The following AKIRIN2 variants were observed in gnomAD, a reference collection of about 807,000 sequenced individuals.
AKIRIN2 encodes akirin 2, also known as akirin-2.
A neutral mutation model predicts 29.3 loss-of-function variants in AKIRIN2; 6 were observed. That is an observed-to-expected ratio of 0.20 (90% confidence interval 0.11 to 0.40). The LOEUF (loss-of-function observed/expected upper bound fraction) is 0.40, where lower values mean the gene tolerates loss of function less well. AKIRIN2 is among the 10% of genes least tolerant of loss of function. The pLI, the probability that AKIRIN2 is intolerant of heterozygous loss-of-function variation, is 1.00. For missense variants in AKIRIN2, 210 were observed against 276.1 expected (o/e 0.76, Z 1.70); for synonymous variants, 128 against 117.5 (o/e 1.09, Z -0.58).
intron 2 of AKIRIN2, 137 bp from the exon 3 acceptor site, chr6:87,678,104 T>C: frequency 1.3e-6 from 1 of 775,830 alleles, no homozygotes; most frequent in South Asian, 3.2e-5. Flanking sequence ...AGCACAGCAT[T>C]TCACAAGTCT....
In AKIRIN2 at chr6:87,701,945, G is replaced by T. The variant is rs1381004419; in HGVS notation, c.-261C>A. On this transcript the variant is annotated 5_prime_UTR_variant, in exon 1 of 5. Coordinates refer to ENST00000257787, the MANE Select transcript of AKIRIN2 (RefSeq NM_018064.4). ...CAGAAGCACACGCCAGTCGCGTCAGGGGGGTTCTTCCGCCTCCTCAGGCGC... is the reference window on the plus strand; with the variant it reads ...CAGAAGCACACGCCAGTCGCGTCAGTGGGGTTCTTCCGCCTCCTCAGGCGC... The T allele has an allele frequency of 4.9e-6, 2 of 405,478 alleles. No homozygotes were observed. The highest frequency in any genetic ancestry group is 8.7e-6 in the Non-Finnish European group (2 of 229,738). 25.1% of individuals were successfully genotyped at this position (405,478 alleles called of 1,614,324 possible).
chr6:87,679,451 T>C (rs1008125081), intron 2 of AKIRIN2, among the ~76,000 whole-genome samples: 20 of 152,082 alleles, frequency 1.3e-4, no homozygotes, highest in African/African-American at 4.1e-4. Flanking sequence ...TGAGCCAAGA[T>C]CTCACCACTG....
chr6:87,702,090 T>G lies in AKIRIN2; in HGVS notation c.-406A>C, dbSNP rs561410611. ...AAGTCGAAAACAGCACCGTGGGGTG[T>G]GAGGCTGGAACGCGGCTCCTAATAC... On this transcript the variant is annotated 5_prime_UTR_variant, in exon 1 of 5. Coordinates refer to ENST00000257787, the MANE Select transcript of AKIRIN2 (RefSeq NM_018064.4). The G allele has an allele frequency of 1.0e-4, 40 of 399,172 alleles. No individual in the cohort carries two copies. Among genetic ancestry groups the G allele is most frequent in the African/African-American group, 7.4e-4 (36 of 48,752 alleles). 24.7% of individuals were successfully genotyped at this position (399,172 alleles called of 1,614,324 possible). A position where few individuals can be genotyped will look rare whatever the true frequency, so the allele number is the denominator to read the frequency against.
At chr6:87,698,818 G>A (rs1488024377) in intron 1 of AKIRIN2, among the ~76,000 whole-genome samples, 1 of 152,088 alleles carries the variant, frequency 6.6e-6, no homozygotes, top group Non-Finnish European at 1.5e-5. Context: ...AAACTTCCTG[G>A]GATGACTAAA....
chr6:87,701,794 G>A lies in AKIRIN2; in HGVS notation c.-110C>T, dbSNP rs1011597120. ...GGAACTCGAGGAGAGCCTACCCGACGGGCTCAGGAGCCAAGCGGGTCGCGG... is the reference window on the plus strand; with the variant it reads ...GGAACTCGAGGAGAGCCTACCCGACAGGCTCAGGAGCCAAGCGGGTCGCGG... On this transcript the variant is annotated 5_prime_UTR_variant, in exon 1 of 5. Coordinates refer to ENST00000257787, the MANE Select transcript of AKIRIN2 (RefSeq NM_018064.4). 1.3e-6 allele frequency: 1 copy of A among 767,416 alleles called. No individual in the cohort carries two copies. The highest frequency in any genetic ancestry group is 1.9e-6 in the Non-Finnish European group (1 of 535,676). The allele number at this position is 767,416 out of a possible 1,614,324, so 47.5% of individuals were successfully genotyped here. A position where few individuals can be genotyped will look rare whatever the true frequency, so the allele number is the denominator to read the frequency against.
chr6:87,689,109 A>G lies in AKIRIN2; in HGVS notation c.236-7346T>C, dbSNP rs146339738. ...GCAGAACCTAAGCCAGCTTGCAGAG[A>G]CTGAGAAGGCAGACTCTTTGAGGAC... On this transcript the variant is annotated intron_variant, in intron 1 of 4. Transcript: ENST00000257787. 2.3e-3 allele frequency among the ~76,000 whole-genome samples: 356 copies of G among 152,328 alleles called. 1 individual carries two copies. The highest frequency in any genetic ancestry group is 7.1e-3 in the African/African-American group (295 of 41,570).
intron 1 of AKIRIN2, among the ~76,000 whole-genome samples, chr6:87,692,453 T>C (rs1771291558): frequency 6.6e-6 from 1 of 152,240 alleles, no homozygotes; most frequent in Non-Finnish European, 1.5e-5. Flanking sequence ...TCTTAACATC[T>C]ACTACCCTCT....
intron 1 of AKIRIN2, among the ~76,000 whole-genome samples, chr6:87,699,354 T>G (rs1771421629): frequency 6.6e-6 from 1 of 152,224 alleles, no homozygotes. Context: ...AGAATGTCAT[T>G]CAAAACTACC....
Position 87,678,757 on chromosome 6 carries a change from T to C in AKIRIN2, c.380-790A>G, listed in dbSNP as rs150001551. Among the ~76,000 whole-genome samples the C allele has an allele frequency of 8.5e-5, 13 of 152,252 alleles. No homozygotes were observed. The East Asian group carries it at 1.7e-3, about 20-fold the overall frequency. On this transcript the variant is annotated intron_variant, in intron 2 of 4. Coordinates refer to ENST00000257787, the MANE Select transcript of AKIRIN2 (RefSeq NM_018064.4). Reference sequence around the variant, plus strand: ...ACACTTAGTCTTCAAAGCCATACCATTAATATCTTAAGAGCCTACACACAA... The same window carrying C: ...ACACTTAGTCTTCAAAGCCATACCACTAATATCTTAAGAGCCTACACACAA...
intron 1 of AKIRIN2, among the ~76,000 whole-genome samples, chr6:87,691,964 A>C (rs1239249313): frequency 1.3e-5 from 2 of 152,222 alleles, no homozygotes; most frequent in African/African-American, 4.8e-5. Flanking sequence ...TTCTCATGGA[A>C]GGCTTGTGAA....
intron 1 of AKIRIN2, among the ~76,000 whole-genome samples, chr6:87,684,464 G>A (rs560301708): frequency 2.0e-5 from 3 of 152,178 alleles, no homozygotes; most frequent in South Asian, 2.1e-4. Flanking sequence ...TGGAACTAAC[G>A]TAACTATGAT....
At chr6:87,685,071 C>G (rs1484899474) in intron 1 of AKIRIN2, among the ~76,000 whole-genome samples, 1 of 152,162 alleles carries the variant, frequency 6.6e-6, no homozygotes, top group Non-Finnish European at 1.5e-5. Flanking sequence ...ATTTTTAATA[C>G]TATTGCCTGC....
chr6:87,682,514 T>C (rs913971877), intron 1 of AKIRIN2, among the ~76,000 whole-genome samples: 5 of 152,168 alleles, frequency 3.3e-5, no homozygotes, highest in East Asian at 1.9e-4. Context: ...CTATGATTCA[T>C]TTCAGAAAGA....
chr6:87,695,940 G>C (rs888547390), intron 1 of AKIRIN2, among the ~76,000 whole-genome samples: 1 of 152,168 alleles, frequency 6.6e-6, no homozygotes, highest in East Asian at 1.9e-4. Context: ...CACTTTGGGA[G>C]GCTGAAGCGG....
At chr6:87,686,864 G>A (rs1031869023) in intron 1 of AKIRIN2, among the ~76,000 whole-genome samples, 3 of 151,668 alleles carry the variant, frequency 2.0e-5, no homozygotes, top group Admixed American at 1.3e-4. Context: ...TGGCCAACAT[G>A]ACGAAACCCT....
chr6:87,681,602 G>C lies in AKIRIN2; in HGVS notation c.379+18C>G, dbSNP rs754370623. On this transcript the variant is annotated intron_variant, in intron 2 of 4. Coordinates refer to ENST00000257787, the MANE Select transcript of AKIRIN2 (RefSeq NM_018064.4). ...ACTCTAAATAATAAACTTTGTAAAT[G>C]ACAAGAAATGTTATTACCTGGTGAA... 56 of 1,590,274 alleles carry C rather than the reference G, an allele frequency of 3.5e-5. No individual in the cohort carries two copies. The Admixed American group carries it at 9.9e-4, about 28-fold the overall frequency.
chr6:87,696,950 G>C (rs1352816525), intron 1 of AKIRIN2, among the ~76,000 whole-genome samples: 1 of 151,908 alleles, frequency 6.6e-6, no homozygotes, highest in African/African-American at 2.4e-5. Flanking sequence ...AGGTTGCAGT[G>C]AGCTGAGATT....
At chr6:87,700,192 A>G (rs1032702545) in intron 1 of AKIRIN2, among the ~76,000 whole-genome samples, 30 of 151,992 alleles carry the variant, frequency 2.0e-4, no homozygotes, top group African/African-American at 6.8e-4. Context: ...ATTAGACCAA[A>G]TATTTAATAG....
At chr6:87,691,385 G>A (rs897520624) in intron 1 of AKIRIN2, among the ~76,000 whole-genome samples, 3 of 145,500 alleles carry the variant, frequency 2.1e-5, no homozygotes, top group Non-Finnish European at 4.5e-5. Flanking sequence ...AGGTTGCAGT[G>A]AGCCGAGATC....
Sources: gnomAD v4.1 joint callset for allele counts (sites outside exome capture counted in the v4.1 genomes callset) on GRCh38, gnomAD v4.1.1 for gene constraint, MANE v1.5 for transcripts, NCBI Gene and HGNC (gene_info 2026-07-23, HGNC 2026-07-21) for gene names.